CCDC88A: variants seen among roughly 807,000 people sequenced by gnomAD.
CCDC88A encodes the protein girdin.
In CCDC88A, 54 loss-of-function variants were observed where a neutral mutation model predicts 234.3. That is an observed-to-expected ratio of 0.23 (90% CI 0.19 to 0.29). CCDC88A has a LOEUF of 0.29. Ranked by LOEUF, CCDC88A falls within the 10% of genes least tolerant of loss-of-function variation. The pLI, the probability that CCDC88A is intolerant of heterozygous loss-of-function variation, is 1.00. For missense variants in CCDC88A, 1,832 were observed against 2,123.4 expected (o/e 0.86, Z 2.70); for synonymous variants, 753 against 737.8 (o/e 1.02, Z -0.33).
intron 25 of CCDC88A, chr2:55,308,419 T>C (rs1681911482): frequency 6.1e-6 from 1 of 162,604 alleles, no homozygotes; most frequent in Non-Finnish European, 1.3e-5. Context: ...TAGAATGCCT[T>C]ATTATTCTGA....
Position 55,315,416 on chromosome 2 carries a change from T to C in CCDC88A, c.3933+512A>G, listed in dbSNP as rs891473511. 20 of 152,390 alleles carry C rather than the reference T, an allele frequency of 1.3e-4. 1 individual carries two copies. Among genetic ancestry groups the C allele is most frequent in the African/African-American group, 4.8e-4 (20 of 41,590 alleles). 9.4% of individuals were successfully genotyped at this position (152,390 alleles called of 1,614,324 possible). ...AATAAATGCTTCTCAATTTGCTATA[T>C]GCCCTTGTTGGGTTCTAGAGTCCTA... On this transcript the variant is annotated intron_variant, in intron 22 of 32. Transcript: ENST00000436346.
chr2:55,380,171 G>C (rs1558777915), intron 3 of CCDC88A, among the ~76,000 whole-genome samples: 1 of 151,894 alleles, frequency 6.6e-6, no homozygotes, highest in Non-Finnish European at 1.5e-5. Context: ...GGGAGATGGA[G>C]GTTGCAGTGA....
At chr2:55,376,384 T>A (rs565709958) in intron 3 of CCDC88A, among the ~76,000 whole-genome samples, 3 of 152,202 alleles carry the variant, frequency 2.0e-5, no homozygotes, top group African/African-American at 7.2e-5. Context: ...CTTAATACTA[T>A]GATGAGAAAG....
At chr2:55,397,905 CTT>C (rs1163132304) in intron 2 of CCDC88A, among the ~76,000 whole-genome samples, 6 of 151,790 alleles carry the variant, frequency 4.0e-5, no homozygotes, top group African/African-American at 1.5e-4. Context: ...TTTTTTTAGA[CTT>C]TGCAAAAGAC....
chr2:55,302,153 GT>G lies in CCDC88A; in HGVS notation c.4472-82del, dbSNP rs921087685. 7.4e-5 allele frequency: 84 copies of G among 1,133,606 alleles called. 1 individual carries two copies. In the Admixed American group the frequency reaches 1.5e-3, roughly 20 times the overall value. The allele number at this position is 1,133,606 out of a possible 1,614,324, so 70.2% of individuals were successfully genotyped here. ...TCTATTTTGTAGTACAAATACTGTG[GT>G]TTTTGTCTATGAATTAATGCAAATG... is the stretch of plus-strand genomic sequence containing the variant. On this transcript the variant is annotated intron_variant, in intron 26 of 32. Transcript: ENST00000436346.
chr2:55,306,498 T>C (rs1311730314), intron 25 of CCDC88A, among the ~76,000 whole-genome samples: 1 of 152,134 alleles, frequency 6.6e-6, no homozygotes, highest in Non-Finnish European at 1.5e-5. Context: ...TGTGTGTGTA[T>C]ATATAAGTGT....
intron 3 of CCDC88A, among the ~76,000 whole-genome samples, chr2:55,386,770 C>G (rs992733920): frequency 2.0e-5 from 3 of 151,984 alleles, no homozygotes; most frequent in Non-Finnish European, 2.9e-5. Flanking sequence ...CTGTACCCAG[C>G]CTTCTGTCTC....
chr2:55,291,802 T>C (rs1214757346), intron 31 of CCDC88A, 27 bp from the exon 32 acceptor site: 1 of 1,575,116 alleles, frequency 6.3e-7, no homozygotes, highest in African/African-American at 1.4e-5. Context: ...TTTCATGTTA[T>C]TTAGTCAAAG....
chr2:55,295,271 G>T (rs764901810), intron 31 of CCDC88A: 2 of 1,384,096 alleles, frequency 1.4e-6, no homozygotes, highest in Non-Finnish European at 1.9e-6. Context: ...CAGAAGCCTG[G>T]TCAGTTATTC....
chr2:55,344,944 C>G (rs1668917510), intron 10 of CCDC88A, among the ~76,000 whole-genome samples: 1 of 152,136 alleles, frequency 6.6e-6, no homozygotes, highest in Non-Finnish European at 1.5e-5. Context: ...AATACCAAGA[C>G]TTAAACCAGA....
chr2:55,317,365 G>T lies in CCDC88A; in HGVS notation c.3603-16C>A, dbSNP rs2104625136. 2 of 1,453,750 alleles carry T rather than the reference G, an allele frequency of 1.4e-6. No individual in the cohort carries two copies. Among genetic ancestry groups the T allele is most frequent in the Non-Finnish European group, 1.8e-6 (2 of 1,097,104 alleles). The allele number at this position is 1,453,750 out of a possible 1,614,324, so 90.1% of individuals were successfully genotyped here. A position where few individuals can be genotyped will look rare whatever the true frequency, so the allele number is the denominator to read the frequency against. On this transcript the variant is annotated splice_polypyrimidine_tract_variant and intron_variant, in intron 20 of 32. Transcript: ENST00000436346. This position sits in a 1 kb window ranked among gnomAD's most constrained non-coding sequence, Gnocchi z 4.2. ...CTGATTGTAACTGGGGGGAAAAAAG[G>T]CATTTGGTTTATAATATTTACAAAA...
At position 55,358,961 on chromosome 2, in the gene CCDC88A, G is replaced by A. The variant is rs189912826; in HGVS notation, c.628-3210C>T. On this transcript the variant is annotated intron_variant, in intron 7 of 32. Coordinates refer to ENST00000436346, the MANE Select transcript of CCDC88A (RefSeq NM_001365480.1). ...ATACTTGGAGTCAACTTTTATTTGTGTATTTTCTTACTGTCTCAATTATCT... is the reference window on the plus strand; with the variant it reads ...ATACTTGGAGTCAACTTTTATTTGTATATTTTCTTACTGTCTCAATTATCT... Among the ~76,000 whole-genome samples the A allele has an allele frequency of 7.9e-5, 12 of 152,178 alleles. 1 individual carries two copies. The highest frequency in any genetic ancestry group is 2.6e-4 in the African/African-American group (11 of 41,550).
intron 2 of CCDC88A, among the ~76,000 whole-genome samples, chr2:55,390,427 A>G (rs1293350176): frequency 6.6e-6 from 1 of 152,210 alleles, no homozygotes; most frequent in African/African-American, 2.4e-5. Context: ...TCCCCTGACC[A>G]CATTCTTAAT....
chr2:55,367,842 A>C (rs989643929), intron 5 of CCDC88A, among the ~76,000 whole-genome samples: 1 of 152,124 alleles, frequency 6.6e-6, no homozygotes, highest in African/African-American at 2.4e-5. Context: ...AAAGGGTCAA[A>C]ATTTTAATTC....
Position 55,289,145 on chromosome 2 carries a change from T to A in CCDC88A, c.*2055A>T, listed in dbSNP as rs1188817902. 1 of 152,608 alleles carries A rather than the reference T, an allele frequency of 6.6e-6. No homozygotes were observed. Among genetic ancestry groups the A allele is most frequent in the Non-Finnish European group, 1.5e-5 (1 of 68,034 alleles). The allele number at this position is 152,608 out of a possible 1,614,324, so 9.5% of individuals were successfully genotyped here. ...GCACTAATGCACTTAACCCAGCATG[T>A]TCTGTATTTTAGGATATTAGTGTTC... On this transcript the variant is annotated 3_prime_UTR_variant, in exon 33 of 33. Coordinates refer to ENST00000436346, the MANE Select transcript of CCDC88A (RefSeq NM_001365480.1).
chr2:55,289,621 C>T lies in CCDC88A; in HGVS notation c.*1579G>A, dbSNP rs558671925. The T allele has an allele frequency of 3.2e-4, 48 of 152,216 alleles. No homozygotes were observed. The highest frequency in any genetic ancestry group is 9.6e-4 in the African/African-American group (40 of 41,544). 9.4% of individuals were successfully genotyped at this position (152,216 alleles called of 1,614,324 possible). A position where few individuals can be genotyped will look rare whatever the true frequency, so the allele number is the denominator to read the frequency against. On this transcript the variant is annotated 3_prime_UTR_variant, in exon 33 of 33. Coordinates refer to ENST00000436346, the MANE Select transcript of CCDC88A (RefSeq NM_001365480.1). ...CATTTGGTGGTAAAACCTAAGTTAC[C>T]GGTGGCATTGAAGTACGTAAGTAAG...
At chr2:55,374,639 A>G (rs567633678) in intron 4 of CCDC88A, among the ~76,000 whole-genome samples, 175 bp downstream of exon 4, 21 of 152,354 alleles carry the variant, frequency 1.4e-4, no homozygotes, top group African/African-American at 4.6e-4. Context: ...GGTCTTACCT[A>G]TAACTTACAA....
At chr2:55,310,353 A>T (rs767102305) in intron 23 of CCDC88A, among the ~76,000 whole-genome samples, 1 of 152,140 alleles carries the variant, frequency 6.6e-6, no homozygotes, top group Non-Finnish European at 1.5e-5. Flanking sequence ...AGGTGGAGGC[A>T]GGTGGATCAC....
At chr2:55,324,707 G>A (rs1013028124) in intron 17 of CCDC88A, among the ~76,000 whole-genome samples, 1 of 151,838 alleles carries the variant, frequency 6.6e-6, no homozygotes, top group Non-Finnish European at 1.5e-5. Flanking sequence ...GTGCAGTGGT[G>A]CAATTTCAGT....
Sources: gnomAD v4.1 joint callset for allele counts (sites outside exome capture counted in the v4.1 genomes callset) on GRCh38, gnomAD v4.1.1 for gene constraint, Gnocchi (gnomAD v3.1) non-coding constraint, MANE v1.5 for transcripts, NCBI Gene and HGNC (gene_info 2026-07-23, HGNC 2026-07-21) for gene names.